Variants in MIA2 observed in about 807,000 individuals in gnomAD.
The protein encoded by MIA2 is melanoma inhibitory activity protein 2.
In MIA2, 127 loss-of-function variants were observed where a neutral mutation model predicts 167.8. The ratio of observed to expected loss-of-function variants is 0.76; its 90% CI spans 0.66 to 0.88. The LOEUF is 0.88. MIA2 is among the 40% of genes least tolerant of loss of function. The pLI is 0.00. For synonymous variants in MIA2, 552 were observed against 541.9 expected (o/e 1.02, Z -0.26); for missense variants, 1,690 against 1,624.7 (o/e 1.04, Z -0.69).
chr14:39,306,824 A>T (rs1402724702), intron 17 of MIA2, among the ~76,000 whole-genome samples: 1 of 152,118 alleles, frequency 6.6e-6, no homozygotes, highest in Non-Finnish European at 1.5e-5. Flanking sequence ...TATTATCTTG[A>T]TACCTTAATG....
In MIA2 at chr14:39,378,918, C is replaced by T. The variant is rs2075098692; in HGVS notation, c.2249-7967C>T. Among the ~76,000 whole-genome samples, 3 of 152,112 alleles carry T rather than the reference C, an allele frequency of 2.0e-5. 1 individual carries two copies. The South Asian group carries it at 6.2e-4, about 32-fold the overall frequency. On this transcript the variant is annotated intron_variant, in intron 23 of 23. Transcript: ENST00000341502. ...GATATTGCAAAATAGGATCACAGGT[C>T]ATTGTAAAATAAGTCATTCATTTAG...
At chr14:39,320,785 A>G (rs907143728) in intron 23 of MIA2, 143 bp from the exon 24 acceptor site, 28 of 818,976 alleles carry the variant, frequency 3.4e-5, no homozygotes, top group Middle Eastern at 3.8e-4. Flanking sequence ...TATATTAGCA[A>G]AATCAAAGGA....
chr14:39,307,317 T>A (rs2063498928), intron 17 of MIA2, among the ~76,000 whole-genome samples: 1 of 151,600 alleles, frequency 6.6e-6, no homozygotes, highest in Admixed American at 6.6e-5. Flanking sequence ...AGCTCTAAAA[T>A]TGAAAATTAG....
chr14:39,340,896 A>G (rs926464773), intron 25 of MIA2, among the ~76,000 whole-genome samples: 1 of 152,226 alleles, frequency 6.6e-6, no homozygotes, highest in Non-Finnish European at 1.5e-5. Context: ...TGAAGAGACT[A>G]GGTTGTGGAG....
chr14:39,266,218 A>T, intron 6 of MIA2: 1 of 985,452 alleles, frequency 1.0e-6, no homozygotes, highest in Non-Finnish European at 1.2e-6. Context: ...CTTGAGTGAG[A>T]AGGCAGAATA....
At chr14:39,252,122 A>G (rs1225938022) in intron 4 of MIA2, among the ~76,000 whole-genome samples, 1 of 152,198 alleles carries the variant, frequency 6.6e-6, no homozygotes, top group East Asian at 1.9e-4. Context: ...TCCTTGGCTG[A>G]GGAATAAAGA....
chr14:39,263,505 G>A (rs1213211256), intron 6 of MIA2, among the ~76,000 whole-genome samples: 1 of 151,540 alleles, frequency 6.6e-6, no homozygotes, highest in East Asian at 1.9e-4. Context: ...AGAGTGCTAG[G>A]ATTACAGGCT....
At chr14:39,292,528 G>T (rs968207983) in intron 10 of MIA2, among the ~76,000 whole-genome samples, 3 of 151,986 alleles carry the variant, frequency 2.0e-5, no homozygotes, top group Non-Finnish European at 4.4e-5. Context: ...TTTTCATTCG[G>T]GTCAGGGAAT....
In MIA2 at chr14:39,304,310, C is replaced by T; in HGVS notation, c.2807C>T (p.Thr936Ile). 1 of 1,525,756 alleles carries T rather than the reference C, an allele frequency of 6.6e-7. No homozygotes were observed. Among genetic ancestry groups the T allele is most frequent in the Non-Finnish European group, 8.9e-7 (1 of 1,117,910 alleles). 94.5% of individuals were successfully genotyped at this position (1,525,756 alleles called of 1,614,324 possible). A position where few individuals can be genotyped will look rare whatever the true frequency, so the allele number is the denominator to read the frequency against. The change falls in exon 17 of 29, where the codon ACC becomes ATC. Residue 936 changes from threonine to isoleucine, a missense_variant. Physicochemically the swap from Thr to Ile is moderately conservative, Grantham distance 89 (BLOSUM62 -1). Transcript: ENST00000640607. ...TTAAAGTTAAATGCTTCTTTAAAAA[C>T]CTTAGAAGGAGAAAGAAACCAAATT... Reference protein sequence around the residue: ...HAAKLNASLKTLEGERNQIYI... With the variant: ...HAAKLNASLKILEGERNQIYI...
chr14:39,300,927 T>C (rs923641650), intron 14 of MIA2, among the ~76,000 whole-genome samples: 55 of 94,842 alleles, frequency 5.8e-4, no homozygotes, highest in African/African-American at 9.4e-4. Flanking sequence ...TATATATATA[T>C]ACACACACAT....
At chr14:39,241,600 G>A (rs1351684013) in intron 3 of MIA2, among the ~76,000 whole-genome samples, 1 of 152,184 alleles carries the variant, frequency 6.6e-6, no homozygotes, top group Non-Finnish European at 1.5e-5. Flanking sequence ...GACTACAGGT[G>A]TGCCAACATG....
chr14:39,353,433 G>C (rs1045703486), downstream of MIA2, among the ~76,000 whole-genome samples: 1 of 152,100 alleles, frequency 6.6e-6, no homozygotes, highest in Non-Finnish European at 1.5e-5. Flanking sequence ...ATATGAGTGA[G>C]AACATGTGGT....
chr14:39,319,240 T>C lies in MIA2; in HGVS notation c.3316T>C (p.Leu1106=), dbSNP rs1437174386. ...LTETELKFEL[L]EKDPYALDVP... Reference sequence around the variant, plus strand: ...TGAAACAGAGCTTAAATTTGAACTTTTAGAAAAAGATCCTTATGCACTCGA... The same window carrying C: ...TGAAACAGAGCTTAAATTTGAACTTCTAGAAAAAGATCCTTATGCACTCGA... Residue 1106 remains leucine, a synonymous_variant, in exon 23 of 29, where the codon TTA becomes CTA. Coordinates refer to ENST00000640607, the MANE Select transcript of MIA2 (RefSeq NM_001329214.4). 14 of 1,576,938 alleles carry C rather than the reference T, an allele frequency of 8.9e-6. No individual in the cohort carries two copies. Among genetic ancestry groups the C allele is most frequent in the East Asian group, 2.2e-5 (1 of 44,490 alleles).
chr14:39,278,987 C>T (rs2152749288), intron 7 of MIA2, among the ~76,000 whole-genome samples: 1 of 151,892 alleles, frequency 6.6e-6, no homozygotes, highest in East Asian at 1.9e-4. Context: ...ATGGTGAAAC[C>T]CGGTCTCTAC....
intron 6 of MIA2, among the ~76,000 whole-genome samples, chr14:39,270,692 C>G (rs750387096): frequency 1.3e-5 from 2 of 152,076 alleles, no homozygotes; most frequent in African/African-American, 4.8e-5. Flanking sequence ...CCACACCAGG[C>G]CTTGTGGTTG....
chr14:39,243,060 T>A (rs1594635007), intron 3 of MIA2, among the ~76,000 whole-genome samples: 1 of 148,246 alleles, frequency 6.7e-6, no homozygotes, highest in Non-Finnish European at 1.5e-5. Flanking sequence ...AAGGCGGAGG[T>A]TACAGTGAGC....
At chr14:39,259,050 G>C (rs996991607) in intron 6 of MIA2, among the ~76,000 whole-genome samples, 1 of 152,244 alleles carries the variant, frequency 6.6e-6, no homozygotes, top group Non-Finnish European at 1.5e-5. Context: ...GTCAGGAGGC[G>C]CGGGGGTCAG....
rs1352760630 is a variant in MIA2, at chr14:39,312,845, C to T, written c.3018-495C>T. On this transcript the variant is annotated intron_variant, in intron 18 of 28. Coordinates refer to ENST00000640607, the MANE Select transcript of MIA2 (RefSeq NM_001329214.4). ...ATAGAATTAGATGTAGTAAATAGGA[C>T]TGCTACTACTACTGTTTACTTTGGT... 4.0e-5 allele frequency among the ~76,000 whole-genome samples: 6 copies of T among 151,850 alleles called. No homozygotes were observed. In the East Asian group the frequency reaches 1.2e-3, roughly 29 times the overall value.
intron 24 of MIA2, among the ~76,000 whole-genome samples, chr14:39,323,602 T>C (rs550567725): frequency 2.6e-4 from 40 of 152,318 alleles, no homozygotes; most frequent in South Asian, 2.1e-3. Flanking sequence ...TCTATTCAAT[T>C]TTATCCCGTT....
Sources: allele counts gnomAD v4.1 joint callset (sites outside exome capture counted in the v4.1 genomes callset), GRCh38; gene constraint gnomAD v4.1.1; transcripts MANE v1.5; gene names NCBI Gene and HGNC (gene_info 2026-07-23, HGNC 2026-07-21).